MX1: variants seen among roughly 807,000 people sequenced by gnomAD.
The protein encoded by MX1 is interferon-induced GTP-binding protein Mx1.
MX1 carries 66 observed loss-of-function variants against 66.4 expected under a neutral mutation model. The observed-to-expected ratio is 0.99, with a 90% CI of 0.82 to 1.22. The LOEUF is 1.22. Ranked by LOEUF, MX1 falls within the 50% of genes most tolerant of loss-of-function variation. The probability of loss-of-function intolerance (pLI) is 0.00; values close to 1 mark genes in which losing one functional copy is unlikely to be tolerated. For missense variants in MX1, 787 were observed against 834.3 expected (o/e 0.94, Z 0.70); for synonymous variants, 311 against 318.1 (o/e 0.98, Z 0.24).
At chr21:41,439,886 TG>T in intron 8 of MX1, 38 bp downstream of exon 8, 3 of 1,377,728 alleles carry the variant, frequency 2.2e-6, no homozygotes, top group Non-Finnish European at 1.9e-6. Context: ...GGCCGTGGCG[TG>T]GGGATGGGGG....
chr21:41,422,650 A>G (rs2090005184), upstream of MX1: 1 of 150,252 alleles, frequency 6.7e-6, no homozygotes, highest in South Asian at 2.1e-4. Flanking sequence ...ATCTGGTAGG[A>G]AAAAAAAAAG....
At chr21:41,432,275 G>T in intron 5 of MX1, 100 bp downstream of exon 5, 4 of 1,044,534 alleles carry the variant, frequency 3.8e-6, no homozygotes, top group Non-Finnish European at 5.8e-6. Flanking sequence ...AGATATGCCT[G>T]CTCTCTCGCC....
rs380308 is a variant in MX1 at position 41,448,870 on chromosome 21, T to A, written c.1274-267T>A. ...CTGCGTATGTGGGTTCCTGGCATCG[T>A]ACCTGGCTCTGCACTCCCCTTCCTG... On this transcript the variant is annotated intron_variant, in intron 13 of 16. Coordinates refer to ENST00000398598, the MANE Select transcript of MX1 (RefSeq NM_002462.5). Among the ~76,000 whole-genome samples, 1,076 of 151,996 alleles carry A rather than the reference T, an allele frequency of 7.1e-3. 7 individuals carry two copies. Among genetic ancestry groups the A allele is most frequent in the Middle Eastern group, 0.058 (17 of 294 alleles).
In MX1 at chr21:41,445,584, G is replaced by A. The variant is rs374112763; in HGVS notation, c.1131+14G>A. On this transcript the variant is annotated intron_variant, in intron 12 of 16. Transcript: ENST00000398598. ...TTCCTGATAGATGTGAGTGTTGCCA[G>A]CTGCATGGAGCTGGAGAAGCACATG... 1.5e-5 allele frequency: 25 copies of A among 1,614,088 alleles called. 1 individual carries two copies. The African/African-American group carries it at 2.0e-4, about 13-fold the overall frequency.
intron 5 of MX1, among the ~76,000 whole-genome samples, chr21:41,432,973 G>A (rs1047392224): frequency 6.6e-6 from 1 of 152,178 alleles, no homozygotes; most frequent in Non-Finnish European, 1.5e-5. Flanking sequence ...TCCGTCCCTG[G>A]TGCGTCTCTT....
intron 11 of MX1, among the ~76,000 whole-genome samples, chr21:41,444,756 G>T (rs2146263559): frequency 6.6e-6 from 1 of 152,146 alleles, no homozygotes; most frequent in East Asian, 1.9e-4. Flanking sequence ...ACCAAGTCAG[G>T]TTCATAAGTT....
upstream of MX1, among the ~76,000 whole-genome samples, chr21:41,425,473 T>C (rs1204682780): frequency 6.6e-6 from 1 of 152,164 alleles, no homozygotes; most frequent in Non-Finnish European, 1.5e-5. Context: ...AAGGCTGTTT[T>C]TACTTCTTTT....
At chr21:41,430,269 G>A (rs1387277227) in intron 3 of MX1, among the ~76,000 whole-genome samples, 1 of 152,174 alleles carries the variant, frequency 6.6e-6, no homozygotes, top group African/African-American at 2.4e-5. Flanking sequence ...GGAGATTCCT[G>A]CGAGGGGAAG....
intron 11 of MX1, 107 bp downstream of exon 11, chr21:41,443,973 C>A: frequency 9.3e-7 from 1 of 1,070,482 alleles, no homozygotes; most frequent in Non-Finnish European, 1.4e-6. Flanking sequence ...TTCTGAGGAT[C>A]TTGTTAAGAT....
intron 13 of MX1, among the ~76,000 whole-genome samples, chr21:41,446,961 C>T (rs762489416): frequency 3.3e-5 from 5 of 152,172 alleles, no homozygotes; most frequent in Non-Finnish European, 5.9e-5. Context: ...GCCATGTTTG[C>T]TCTCTTCTAT....
At chr21:41,448,463 G>A (rs964546613) in intron 13 of MX1, among the ~76,000 whole-genome samples, 8 of 152,112 alleles carry the variant, frequency 5.3e-5, no homozygotes, top group Non-Finnish European at 1.0e-4. Flanking sequence ...AATTTCTTTG[G>A]TAAAACTAAA....
chr21:41,439,694 C>T lies in MX1; in HGVS notation c.437C>T (p.Ala146Val). The change falls in exon 8 of 17, where the codon GCC (alanine) becomes GTC (valine). Residue 146 changes from alanine (A) to valine (V), a missense_variant and splice_region_variant. Transcript: ENST00000398598. ...ASEVEKEINKAQNAIAGEGMG... is the reference protein window; with the variant it reads ...ASEVEKEINKVQNAIAGEGMG... Reference sequence around the variant, plus strand: ...TTGATTTTCCCTGTCTCTTTTCTAGCCCAGAATGCCATCGCCGGGGAAGGA... The same window carrying T: ...TTGATTTTCCCTGTCTCTTTTCTAGTCCAGAATGCCATCGCCGGGGAAGGA... The T allele has an allele frequency of 1.2e-6, 2 of 1,613,226 alleles. No homozygotes were observed. The highest frequency in any genetic ancestry group is 1.7e-6 in the Non-Finnish European group (2 of 1,179,364).
intron 7 of MX1, 33 bp downstream of exon 7, chr21:41,437,185 C>A (rs764694357): frequency 3.7e-6 from 6 of 1,612,146 alleles, no homozygotes; most frequent in Non-Finnish European, 5.1e-6. Flanking sequence ...CCTGGTCAAG[C>A]CTTCTGACAT....
At chr21:41,456,752 T>G (rs192223264) in intron 16 of MX1, among the ~76,000 whole-genome samples, 1,456 of 100,202 alleles carry the variant, frequency 0.015, 13 homozygotes, top group Admixed American at 0.025. Context: ...AAGTTGTTGG[T>G]TTTTTTTGTT....
chr21:41,437,160 C>T lies in MX1; in HGVS notation c.436+8C>T. 1.9e-6 allele frequency: 3 copies of T among 1,613,692 alleles called. No individual in the cohort carries two copies. The highest frequency in any genetic ancestry group is 1.7e-4 in the Middle Eastern group (1 of 6,054). On this transcript the variant is annotated splice_region_variant and intron_variant, in intron 7 of 16. Transcript: ENST00000398598. ...AAAAGGAAATTAATAAAGGTGAGTA[C>T]CCCCTGTTTGGATGCCTGGTCAAGC...
At chr21:41,437,902 C>G (rs916161485) in intron 7 of MX1, among the ~76,000 whole-genome samples, 18 of 152,192 alleles carry the variant, frequency 1.2e-4, no homozygotes, top group Non-Finnish European at 1.2e-4. Flanking sequence ...TTGCATAATC[C>G]CAGCTTAGGC....
At chr21:41,451,068 A>C in intron 14 of MX1, 99 bp from the exon 15 acceptor site, 1 of 783,532 alleles carries the variant, frequency 1.3e-6, no homozygotes, top group Non-Finnish European at 2.2e-6. Flanking sequence ...GGAGAGGGGA[A>C]ACTTTACTTC....
At chr21:41,453,145 T>TGGC (rs1438574594) in intron 16 of MX1, among the ~76,000 whole-genome samples, 2 of 152,162 alleles carry the variant, frequency 1.3e-5, no homozygotes, top group African/African-American at 4.8e-5. Flanking sequence ...ACTTCTTACC[T>TGGC]GGCGGCGGTG....
At chr21:41,454,347 C>T (rs1202453856) in intron 16 of MX1, among the ~76,000 whole-genome samples, 3 of 152,042 alleles carry the variant, frequency 2.0e-5, no homozygotes, top group Non-Finnish European at 4.4e-5. Context: ...CCTCACATGA[C>T]TTTATAATAT....
Sources: gnomAD v4.1 joint callset for allele counts (sites outside exome capture counted in the v4.1 genomes callset) on GRCh38, gnomAD v4.1.1 for gene constraint, MANE v1.5 for transcripts, NCBI Gene and HGNC (gene_info 2026-07-23, HGNC 2026-07-21) for gene names.